SEPTIN11: variants seen among roughly 807,000 people sequenced by gnomAD.
SEPTIN11 encodes the protein septin 11.
In SEPTIN11, 25 loss-of-function variants were observed where a neutral mutation model predicts 51.4. The ratio of observed to expected loss-of-function variants is 0.49; its 90% CI spans 0.35 to 0.68. The LOEUF is 0.68. Among genes scored for constraint, SEPTIN11 ranks in the 30% least tolerant of loss-of-function variants. The pLI, the probability that SEPTIN11 is intolerant of heterozygous loss-of-function variation, is 0.00. For synonymous variants in SEPTIN11, 174 were observed against 184.1 expected (o/e 0.95, Z 0.44); for missense variants, 381 against 520.8 (o/e 0.73, Z 2.61).
chr4:76,997,288 C>T (rs1318384404), intron 2 of SEPTIN11, among the ~76,000 whole-genome samples: 1 of 152,082 alleles, frequency 6.6e-6, no homozygotes, highest in African/African-American at 2.4e-5. Flanking sequence ...CACTTTGAGA[C>T]AGATCAAAGA....
At chr4:77,030,389 CAT>C (rs965711078) in intron 8 of SEPTIN11, among the ~76,000 whole-genome samples, 1 of 152,028 alleles carries the variant, frequency 6.6e-6, no homozygotes, top group Non-Finnish European at 1.5e-5. Flanking sequence ...CCACATGACA[CAT>C]ATTTGTTTGT....
In SEPTIN11 at chr4:77,034,783, G is replaced by A. The variant is rs1002908507; in HGVS notation, c.*271G>A. ...TTATGCCTGTTCTGAATGGCAGCAC[G>A]AAGCAGGCCTGTTACTTGTATGTCG... is the stretch of plus-strand genomic sequence containing the variant. On this transcript the variant is annotated 3_prime_UTR_variant, in exon 10 of 10. Coordinates refer to ENST00000264893, the MANE Select transcript of SEPTIN11 (RefSeq NM_018243.4). 1.5e-5 allele frequency: 17 copies of A among 1,152,344 alleles called. No individual in the cohort carries two copies. Among genetic ancestry groups the A allele is most frequent in the South Asian group, 7.7e-5 (2 of 25,850 alleles). The allele number at this position is 1,152,344 out of a possible 1,614,324, so 71.4% of individuals were successfully genotyped here.
intron 1 of SEPTIN11, among the ~76,000 whole-genome samples, chr4:76,991,794 A>G (rs1310549073): frequency 6.6e-6 from 1 of 152,154 alleles, no homozygotes; most frequent in African/African-American, 2.4e-5. Flanking sequence ...ACATTGTAAA[A>G]CCTCTTAAGG....
chr4:76,977,519 A>G (rs1578134638), intron 1 of SEPTIN11, among the ~76,000 whole-genome samples: 1 of 152,214 alleles, frequency 6.6e-6, no homozygotes, highest in Admixed American at 6.5e-5. Context: ...AATAATGAAT[A>G]TTAGTTTTCC....
intron 1 of SEPTIN11, among the ~76,000 whole-genome samples, chr4:76,988,770 G>A (rs1341838367): frequency 1.3e-5 from 2 of 152,216 alleles, no homozygotes; most frequent in African/African-American, 4.8e-5. Context: ...TTTAAGCAGG[G>A]CATTTGTAAA....
chr4:76,950,791 A>G (rs925534959), intron 1 of SEPTIN11, among the ~76,000 whole-genome samples: 3 of 151,764 alleles, frequency 2.0e-5, no homozygotes, highest in Non-Finnish European at 4.4e-5. Context: ...GGTGCGGTTC[A>G]GTGGCCGCTC....
At chr4:77,020,764 A>AT in intron 7 of SEPTIN11, 94 bp downstream of exon 7, 2 of 1,189,956 alleles carry the variant, frequency 1.7e-6, no homozygotes, top group Non-Finnish European at 2.4e-6. Flanking sequence ...TGAGATGGTG[A>AT]TGATGGAAGG....
At chr4:77,004,291 A>T (rs1361781487) in intron 2 of SEPTIN11, among the ~76,000 whole-genome samples, 2 of 152,228 alleles carry the variant, frequency 1.3e-5, no homozygotes, top group Admixed American at 6.5e-5. Flanking sequence ...TTATCAGTGT[A>T]AATAAGGTCA....
chr4:77,017,715 A>T (rs1725398427), intron 5 of SEPTIN11, among the ~76,000 whole-genome samples: 1 of 152,236 alleles, frequency 6.6e-6, no homozygotes, highest in African/African-American at 2.4e-5. Flanking sequence ...TCTATGGTGG[A>T]AGAACACTGG....
At chr4:77,022,915 T>C (rs944385338) in intron 7 of SEPTIN11, among the ~76,000 whole-genome samples, 1 of 152,176 alleles carries the variant, frequency 6.6e-6, no homozygotes, top group Non-Finnish European at 1.5e-5. Context: ...ACTGGGTTCC[T>C]TAGGATCCCT....
intron 2 of SEPTIN11, among the ~76,000 whole-genome samples, chr4:77,003,942 G>A (rs751451703): frequency 6.6e-6 from 1 of 152,110 alleles, no homozygotes; most frequent in Non-Finnish European, 1.5e-5. Context: ...AGTTTAAATT[G>A]AGCTGGAAAT....
chr4:76,968,857 A>G (rs1261915327), intron 1 of SEPTIN11, among the ~76,000 whole-genome samples: 3 of 152,194 alleles, frequency 2.0e-5, no homozygotes, highest in Non-Finnish European at 4.4e-5. Flanking sequence ...AAATGGTAAT[A>G]AGGAGTATTG....
intron 1 of SEPTIN11, among the ~76,000 whole-genome samples, chr4:76,969,640 G>A (rs17262520): frequency 6.6e-6 from 1 of 152,050 alleles, no homozygotes; most frequent in African/African-American, 2.4e-5. Flanking sequence ...CAATCCAGTC[G>A]ATAGGAGTAG....
At chr4:76,994,900 CTTTTTTTTTTTTT>C (rs55728971) in intron 1 of SEPTIN11, among the ~76,000 whole-genome samples, 3 of 54,856 alleles carry the variant, frequency 5.5e-5, no homozygotes, top group South Asian at 1.1e-3. Context: ...CTGTACAAAG[CTTTTTTTTTTTTT>C]TTTTTTTTTT....
intron 1 of SEPTIN11, among the ~76,000 whole-genome samples, chr4:76,954,337 G>T (rs1478901581): frequency 6.6e-6 from 1 of 152,154 alleles, no homozygotes; most frequent in Non-Finnish European, 1.5e-5. Context: ...ATCTTTCATA[G>T]TCTTAGCTAG....
At chr4:76,972,722 A>G (rs1038085738) in intron 1 of SEPTIN11, 3 of 152,212 alleles carry the variant, frequency 2.0e-5, no homozygotes, top group African/African-American at 7.2e-5. Context: ...TGGGGGAGAT[A>G]TCCCATTTTA....
intron 1 of SEPTIN11, among the ~76,000 whole-genome samples, chr4:76,966,046 T>C (rs1302692123): frequency 6.6e-6 from 1 of 152,202 alleles, no homozygotes; most frequent in Non-Finnish European, 1.5e-5. Flanking sequence ...TCCAGCAGAG[T>C]CTGCCCTTTG....
intron 1 of SEPTIN11, among the ~76,000 whole-genome samples, chr4:76,990,816 G>C (rs1723338721): frequency 1.3e-5 from 2 of 152,196 alleles, no homozygotes; most frequent in Admixed American, 1.3e-4. Flanking sequence ...TCACAAAGTG[G>C]TGCATGACTG....
intron 1 of SEPTIN11, among the ~76,000 whole-genome samples, chr4:76,960,904 G>A (rs1336428512): frequency 2.0e-5 from 3 of 152,212 alleles, no homozygotes; most frequent in African/African-American, 2.4e-5. Context: ...TCAGGGGCGA[G>A]TTATCAGGAT....
Sources: allele counts gnomAD v4.1 joint callset (sites outside exome capture counted in the v4.1 genomes callset), GRCh38; gene constraint gnomAD v4.1.1; transcripts MANE v1.5; gene names NCBI Gene and HGNC (gene_info 2026-07-23, HGNC 2026-07-21).